KCNJ15: variants seen among roughly 807,000 people sequenced by gnomAD.
KCNJ15 encodes ATP-sensitive inward rectifier potassium channel 15.
In KCNJ15, 14 loss-of-function variants were observed where a neutral mutation model predicts 23.0. That is an observed-to-expected ratio of 0.61 (90% CI 0.40 to 0.95). The LOEUF (loss-of-function observed/expected upper bound fraction) is 0.95. Among genes scored for constraint, KCNJ15 ranks in the 40% least tolerant of loss-of-function variants. KCNJ15 has a pLI of 0.00. For missense variants in KCNJ15, 388 were observed against 461.8 expected (o/e 0.84, Z 1.46); for synonymous variants, 185 against 183.2 (o/e 1.01, Z -0.08).
At chr21:38,280,455 C>T (rs1983198001) in intron 1 of KCNJ15, among the ~76,000 whole-genome samples, 1 of 152,076 alleles carries the variant, frequency 6.6e-6, no homozygotes, top group Non-Finnish European at 1.5e-5. Flanking sequence ...TTGTAAGCCA[C>T]TCACTCCCAA....
Position 38,233,987 on chromosome 21 carries a change from C to T in KCNJ15, c.-398-23059C>T, listed in dbSNP as rs140625201. 3.8e-3 allele frequency among the ~76,000 whole-genome samples: 579 copies of T among 152,206 alleles called. 5 individuals are homozygous for T. The highest frequency in any genetic ancestry group is 0.014 in the South Asian group (68 of 4,826). On this transcript the variant is annotated intron_variant, in intron 1 of 4. Transcript: ENST00000547341. ...TATTTGTAGAATTTCTTTCATTAAT[C>T]TTCTTATTTATCCTTTCTGAGTCTC...
intron 1 of KCNJ15, among the ~76,000 whole-genome samples, chr21:38,260,747 G>A (rs1980800384): frequency 6.6e-6 from 1 of 152,194 alleles, no homozygotes; most frequent in Admixed American, 6.5e-5. Context: ...GGAAGGTCAT[G>A]TCTGCACTAC....
intron 1 of KCNJ15, among the ~76,000 whole-genome samples, chr21:38,281,827 T>G (rs932874539): frequency 6.6e-6 from 1 of 152,176 alleles, no homozygotes; most frequent in African/African-American, 2.4e-5. Context: ...CTGTTTTAAG[T>G]TCTTTTAGAA....
rs1443951132 is a variant in KCNJ15, at chr21:38,302,966, C to T, written c.*2577C>T. The T allele has an allele frequency of 6.6e-6, 1 of 151,936 alleles. No homozygotes were observed. The highest frequency in any genetic ancestry group is 1.5e-5 in the Non-Finnish European group (1 of 67,978). 9.4% of individuals were successfully genotyped at this position (151,936 alleles called of 1,614,324 possible). A position where few individuals can be genotyped will look rare whatever the true frequency, so the allele number is the denominator to read the frequency against. On this transcript the variant is annotated 3_prime_UTR_variant, in exon 3 of 3. Transcript: ENST00000398938. ...GTCTATTAAAATTGGAAATTTAATT[C>T]AAATAAAAATCAAACAAAATAGTTG...
intron 1 of KCNJ15, among the ~76,000 whole-genome samples, chr21:38,245,531 A>G (rs1979304721): frequency 6.6e-6 from 1 of 151,790 alleles, no homozygotes; most frequent in South Asian, 2.1e-4. Context: ...AGGATACGAG[A>G]TCCTTATAAG....
At chr21:38,261,872 A>G (rs534007232) in intron 1 of KCNJ15, among the ~76,000 whole-genome samples, 10 of 152,196 alleles carry the variant, frequency 6.6e-5, no homozygotes, top group Non-Finnish European at 1.3e-4. Context: ...CCCCAGTGGA[A>G]TATCTGTGTC....
intron 1 of KCNJ15, among the ~76,000 whole-genome samples, chr21:38,246,304 C>G (rs1051561797): frequency 6.6e-6 from 1 of 152,150 alleles, no homozygotes; most frequent in African/African-American, 2.4e-5. Context: ...TCTTAAAGCT[C>G]TAAGCTCACT....
chr21:38,305,111 AAAAG>A lies in KCNJ15; in HGVS notation c.*4726_*4729del, dbSNP rs1220639052. On this transcript the variant is annotated 3_prime_UTR_variant, in exon 3 of 3. Transcript: ENST00000398938. ...AAAAAAAAAAAAGAAAAAGAAAAAG[AAAAG>A]AAAAGAAAATAAACGTGGCAAAACT... 6.6e-6 allele frequency: 1 copy of A among 151,562 alleles called. No individual in the cohort carries two copies. Among genetic ancestry groups the A allele is most frequent in the Non-Finnish European group, 1.5e-5 (1 of 68,054 alleles). 9.4% of individuals were successfully genotyped at this position (151,562 alleles called of 1,614,324 possible).
intron 1 of KCNJ15, among the ~76,000 whole-genome samples, chr21:38,271,003 A>ACT (rs10685034): frequency 0.38 from 57,836 of 151,980 alleles, 12,587 homozygotes; most frequent in African/African-American, 0.6. Context: ...TGGCAACAAC[A>ACT]CTGATCTGGT....
In KCNJ15 at chr21:38,299,540, G is replaced by T. The variant is rs145343844; in HGVS notation, c.279G>T (p.Gly93=). 23 of 1,613,972 alleles carry T rather than the reference G, an allele frequency of 1.4e-5. No homozygotes were observed. Among genetic ancestry groups the T allele is most frequent in the African/African-American group, 6.7e-5 (5 of 74,892 alleles). Residue 93 remains glycine, a synonymous_variant, in exon 3 of 3, where the codon GGG becomes GGT. Transcript: ENST00000398938. The surrounding 1 kb of genome is among the most constrained non-coding windows in gnomAD (Gnocchi z 4.5). The part of the protein sequence containing the change: ...VIYYAIAFIH[G]DLEPGEPISN... ...ACTATGCCATCGCGTTTATTCATGGGGACTTAGAACCCGGTGAGCCCATTT... is the reference window on the plus strand; with the variant it reads ...ACTATGCCATCGCGTTTATTCATGGTGACTTAGAACCCGGTGAGCCCATTT...
At chr21:38,261,081 T>G (rs990095697) in intron 1 of KCNJ15, among the ~76,000 whole-genome samples, 38 of 140,038 alleles carry the variant, frequency 2.7e-4, no homozygotes, top group Non-Finnish European at 4.9e-4. Context: ...GAGGGAACAC[T>G]GCAGGGGAGG....
At chr21:38,256,270 C>T (rs1275742358), upstream of KCNJ15, among the ~76,000 whole-genome samples, 1 of 151,270 alleles carries the variant, frequency 6.6e-6, no homozygotes, top group Non-Finnish European at 1.5e-5. Flanking sequence ...CCAGACTATG[C>T]AAGAATGCTG....
intron 1 of KCNJ15, among the ~76,000 whole-genome samples, chr21:38,231,725 G>GT (rs1336769086): frequency 4.0e-5 from 6 of 151,540 alleles, no homozygotes; most frequent in Admixed American, 2.0e-4. Context: ...ATGACCACGT[G>GT]TTTTTTTGTT....
At chr21:38,230,991 G>A (rs995453576) in intron 1 of KCNJ15, among the ~76,000 whole-genome samples, 3 of 152,046 alleles carry the variant, frequency 2.0e-5, no homozygotes, top group African/African-American at 7.2e-5. Context: ...TGCATTGAAT[G>A]TATAGATCAA....
At chr21:38,260,043 A>T (rs1261807313) in intron 1 of KCNJ15, among the ~76,000 whole-genome samples, 1 of 152,194 alleles carries the variant, frequency 6.6e-6, no homozygotes, top group African/African-American at 2.4e-5. Context: ...TTATAAATAA[A>T]GGTTTATAAA....
upstream of KCNJ15, among the ~76,000 whole-genome samples, chr21:38,252,262 C>T (rs1979889497): frequency 6.6e-6 from 1 of 152,174 alleles, no homozygotes; most frequent in African/African-American, 2.4e-5. Context: ...TTTGTCTCCA[C>T]CTATGGAAAT....
Position 38,302,937 on chromosome 21 carries a change from C to T in KCNJ15, c.*2548C>T, listed in dbSNP as rs1191555110. ...TTTTATATTTAGATAATATTGAAATCACAGTCTATTAAAATTGGAAATTTA... is the reference window on the plus strand; with the variant it reads ...TTTTATATTTAGATAATATTGAAATTACAGTCTATTAAAATTGGAAATTTA... On this transcript the variant is annotated 3_prime_UTR_variant, in exon 3 of 3. Coordinates refer to ENST00000398938, the MANE Select transcript of KCNJ15 (RefSeq NM_170736.3). 1 of 152,008 alleles carries T rather than the reference C, an allele frequency of 6.6e-6. No homozygotes were observed. The highest frequency in any genetic ancestry group is 1.5e-5 in the Non-Finnish European group (1 of 67,988). The allele number at this position is 152,008 out of a possible 1,614,324, so 9.4% of individuals were successfully genotyped here. A position where few individuals can be genotyped will look rare whatever the true frequency, so the allele number is the denominator to read the frequency against.
intron 1 of KCNJ15, among the ~76,000 whole-genome samples, chr21:38,232,648 T>C (rs942900319): frequency 4.6e-5 from 7 of 151,988 alleles, no homozygotes; most frequent in Admixed American, 4.6e-4. Flanking sequence ...TGGTGTGTTT[T>C]TGTTTTAATT....
chr21:38,282,345 G>A (rs187202194), intron 1 of KCNJ15, among the ~76,000 whole-genome samples: 1 of 152,246 alleles, frequency 6.6e-6, no homozygotes, highest in East Asian at 1.9e-4. Flanking sequence ...GATGGTCAGT[G>A]TACTGGGGAA....
Sources: allele counts gnomAD v4.1 joint callset (sites outside exome capture counted in the v4.1 genomes callset), GRCh38; gene constraint gnomAD v4.1.1; non-coding constraint Gnocchi (gnomAD v3.1); transcripts MANE v1.5; gene names NCBI Gene and HGNC (gene_info 2026-07-23, HGNC 2026-07-21).